Variants in NAALADL2 observed in about 807,000 individuals in gnomAD.
The protein encoded by NAALADL2 is inactive N-acetylated-alpha-linked acidic dipeptidase-like protein 2.
Under a neutral mutation model 87.2 loss-of-function variants are expected in NAALADL2, and 76 were observed. The ratio of observed to expected loss-of-function variants is 0.87; its 90% CI spans 0.72 to 1.05. The LOEUF is 1.05. Among genes scored for constraint, NAALADL2 ranks in the 50% least tolerant of loss-of-function variants. The probability of loss-of-function intolerance (pLI) is 0.00; values close to 1 mark genes in which losing one functional copy is unlikely to be tolerated. For synonymous variants in NAALADL2, 354 were observed against 331.0 expected, an observed-to-expected ratio of 1.07 and a Z score of -0.75; for missense variants, 1,089 against 945.8, an observed-to-expected ratio of 1.15 and a Z score of -1.99.
intron 1 of NAALADL2, among the ~76,000 whole-genome samples, chr3:174,526,560 T>C (rs1002030223): frequency 6.6e-6 from 1 of 152,208 alleles, no homozygotes; most frequent in African/African-American, 2.4e-5. Flanking sequence ...AATTGATGAA[T>C]CACTTTCATA....
At chr3:175,234,285 T>G (rs1448185891) in intron 3 of NAALADL2, 81 bp downstream of exon 3, 1 of 1,418,350 alleles carries the variant, frequency 7.1e-7, no homozygotes, top group East Asian at 2.3e-5. Context: ...GAACTAACTG[T>G]CAAGATGCAA....
At chr3:175,257,868 T>C (rs1750282529) in intron 4 of NAALADL2, among the ~76,000 whole-genome samples, 1 of 152,194 alleles carries the variant, frequency 6.6e-6, no homozygotes, top group Admixed American at 6.5e-5. Flanking sequence ...ATGTGCTAGA[T>C]AATTTTCTAA....
chr3:175,116,925 T>G (rs1236732213), intron 2 of NAALADL2, among the ~76,000 whole-genome samples: 9 of 152,042 alleles, frequency 5.9e-5, no homozygotes, highest in African/African-American at 2.2e-4. Flanking sequence ...TATTGAAGAA[T>G]GGATCAGAAT....
At chr3:175,014,685 C>A (rs1750591256) in intron 1 of NAALADL2, among the ~76,000 whole-genome samples, 1 of 152,072 alleles carries the variant, frequency 6.6e-6, no homozygotes, top group Admixed American at 6.6e-5. Context: ...CCATTTATTG[C>A]AAATGTTTCA....
intron 5 of NAALADL2, among the ~76,000 whole-genome samples, chr3:175,353,108 ATGTGTGTG>A (rs113022824): frequency 7.6e-5 from 11 of 144,966 alleles, no homozygotes; most frequent in East Asian, 2.0e-4. Context: ...ATTTAATAAA[ATGTGTGTG>A]TGTGTGTGTG....
intron 9 of NAALADL2, among the ~76,000 whole-genome samples, chr3:175,548,101 C>A (rs538263798): frequency 2.0e-5 from 3 of 152,000 alleles, no homozygotes; most frequent in Non-Finnish European, 4.4e-5. Context: ...CACATGCACA[C>A]GTATGTTCAT....
At chr3:175,700,504 A>T (rs890410103) in intron 11 of NAALADL2, among the ~76,000 whole-genome samples, 14 of 152,198 alleles carry the variant, frequency 9.2e-5, no homozygotes, top group Non-Finnish European at 4.4e-5. Flanking sequence ...GAAGAATCTG[A>T]TGATACGTAT....
At chr3:175,295,249 G>A (rs1560306690) in intron 4 of NAALADL2, among the ~76,000 whole-genome samples, 1 of 152,140 alleles carries the variant, frequency 6.6e-6, no homozygotes, top group Non-Finnish European at 1.5e-5. Context: ...CAGAGGACTA[G>A]CGTTGACCTT....
At chr3:174,598,603 T>G (rs1718143060) in intron 2 of NAALADL2, among the ~76,000 whole-genome samples, 2 of 152,304 alleles carry the variant, frequency 1.3e-5, no homozygotes, top group East Asian at 1.9e-4. Context: ...AGTGTCCTGA[T>G]AAGGAGAATT....
intron 2 of NAALADL2, among the ~76,000 whole-genome samples, chr3:174,694,412 A>G (rs552359505): frequency 1.3e-5 from 2 of 152,154 alleles, no homozygotes; most frequent in East Asian, 1.9e-4. Context: ...ATATCTTTGC[A>G]TACCTATTAT....
At chr3:175,510,078 C>G (rs1730937422) in intron 9 of NAALADL2, among the ~76,000 whole-genome samples, 1 of 151,634 alleles carries the variant, frequency 6.6e-6, no homozygotes, top group Admixed American at 6.6e-5. Context: ...CAATTCCCAC[C>G]TATGAGTGAG....
At chr3:175,656,866 T>C (rs1253285597) in intron 11 of NAALADL2, among the ~76,000 whole-genome samples, 1 of 152,166 alleles carries the variant, frequency 6.6e-6, no homozygotes, top group Non-Finnish European at 1.5e-5. Flanking sequence ...TGGCTTTGTG[T>C]CAGATAACTA....
chr3:175,069,033 C>T (rs1000507964), intron 1 of NAALADL2, among the ~76,000 whole-genome samples: 6 of 152,038 alleles, frequency 3.9e-5, no homozygotes, highest in Non-Finnish European at 5.9e-5. Context: ...AAGACTTAAA[C>T]GTTAGACCTA....
intron 1 of NAALADL2, among the ~76,000 whole-genome samples, chr3:174,921,063 A>T (rs1426945415): frequency 6.6e-6 from 1 of 152,192 alleles, no homozygotes; most frequent in South Asian, 2.1e-4. Context: ...AATAACAGAT[A>T]TAATAATAAT....
intron 4 of NAALADL2, among the ~76,000 whole-genome samples, chr3:175,263,462 A>T (rs1360633607): frequency 1.3e-5 from 2 of 151,912 alleles, no homozygotes; most frequent in African/African-American, 4.8e-5. Flanking sequence ...TTGAATGCAT[A>T]ATTTAGAAGT....
At chr3:175,435,061 A>T (rs975907739) in intron 5 of NAALADL2, among the ~76,000 whole-genome samples, 1 of 152,038 alleles carries the variant, frequency 6.6e-6, no homozygotes, top group South Asian at 2.1e-4. Flanking sequence ...ATTATCATAT[A>T]TACAATTTTT....
chr3:175,329,916 G>A (rs1339067024), intron 5 of NAALADL2, among the ~76,000 whole-genome samples: 1 of 152,150 alleles, frequency 6.6e-6, no homozygotes, highest in African/African-American at 2.4e-5. Context: ...AGGGAAATTT[G>A]CAGTTGATTG....
chr3:174,716,485 C>G (rs542618909), intron 2 of NAALADL2, among the ~76,000 whole-genome samples: 4 of 151,880 alleles, frequency 2.6e-5, no homozygotes, highest in African/African-American at 9.7e-5. Context: ...AAGAGAAACT[C>G]TCATTTTTGT....
At chr3:174,620,355 A>G (rs933626760) in intron 2 of NAALADL2, among the ~76,000 whole-genome samples, 1 of 152,040 alleles carries the variant, frequency 6.6e-6, no homozygotes, top group African/African-American at 2.4e-5. Context: ...GGTGCTGTGA[A>G]ATATTTAAAA....
Sources: gnomAD v4.1 joint callset for allele counts (sites outside exome capture counted in the v4.1 genomes callset) on GRCh38, gnomAD v4.1.1 for gene constraint, MANE v1.5 for transcripts, NCBI Gene and HGNC (gene_info 2026-07-23, HGNC 2026-07-21) for gene names.